Variants in TAF5L observed in about 807,000 individuals in gnomAD.
TAF5L encodes the protein TAF5-like RNA polymerase II p300/CBP-associated factor-associated factor 65 kDa subunit 5L.
Under a neutral mutation model 51.3 loss-of-function variants are expected in TAF5L, and 7 were observed. The observed-to-expected ratio is 0.14, with a 90% CI of 0.08 to 0.26. The LOEUF (loss-of-function observed/expected upper bound fraction) is 0.26. Among genes scored for constraint, TAF5L ranks in the 10% least tolerant of loss-of-function variants. The pLI is 1.00. For synonymous variants in TAF5L, 291 were observed against 308.1 expected, an observed-to-expected ratio of 0.94 and a Z score of 0.58; for missense variants, 575 against 758.9, an observed-to-expected ratio of 0.76 and a Z score of 2.85.
At chr1:229,613,424 A>C (rs908740696) in intron 2 of TAF5L, among the ~76,000 whole-genome samples, 1 of 152,122 alleles carries the variant, frequency 6.6e-6, no homozygotes, top group African/African-American at 2.4e-5. Context: ...ATAGCTAACA[A>C]TTACAGTCGG....
chr1:229,598,595 C>A (rs1315004927), intron 4 of TAF5L, among the ~76,000 whole-genome samples: 3 of 151,802 alleles, frequency 2.0e-5, no homozygotes, highest in African/African-American at 7.3e-5. Context: ...GAAAGAAGAG[C>A]AAATCCTTGG....
At chr1:229,596,383 C>G (rs190612702) in intron 4 of TAF5L, among the ~76,000 whole-genome samples, 1 of 152,140 alleles carries the variant, frequency 6.6e-6, no homozygotes, top group Admixed American at 6.5e-5. Flanking sequence ...TAGAAAGGTA[C>G]AGTTACTAGT....
chr1:229,626,078 G>A (rs1265233365), upstream of TAF5L: 1 of 151,430 alleles, frequency 6.6e-6, no homozygotes, highest in South Asian at 1.9e-4. Flanking sequence ...AGCGGGCCGC[G>A]GGCTGGGCCG....
chr1:229,595,175 GA>G (rs1036184027), intron 4 of TAF5L, 81 bp from the exon 5 acceptor site: 41 of 1,429,256 alleles, frequency 2.9e-5, no homozygotes, highest in South Asian at 5.5e-5. Flanking sequence ...AAGTCCAGGA[GA>G]AAAAAAAGTA....
At chr1:229,618,155 T>C (rs1665074809) in intron 1 of TAF5L, among the ~76,000 whole-genome samples, 1 of 152,186 alleles carries the variant, frequency 6.6e-6, no homozygotes, top group Non-Finnish European at 1.5e-5. Flanking sequence ...CTCCTTAAAC[T>C]AGACCTAAGT....
At chr1:229,616,291 G>C (rs1280681116) in intron 1 of TAF5L, among the ~76,000 whole-genome samples, 1 of 152,102 alleles carries the variant, frequency 6.6e-6, no homozygotes, top group Admixed American at 6.5e-5. Context: ...TGGGATTACA[G>C]GTGCGAACCA....
At chr1:229,612,138 A>C (rs1419302219) in intron 2 of TAF5L, among the ~76,000 whole-genome samples, 2 of 152,218 alleles carry the variant, frequency 1.3e-5, no homozygotes, top group Non-Finnish European at 2.9e-5. Context: ...ATGTTCACTA[A>C]ATGTCTGCTG....
chr1:229,618,889 C>T (rs1305874608), intron 1 of TAF5L, among the ~76,000 whole-genome samples: 1 of 152,182 alleles, frequency 6.6e-6, no homozygotes, highest in Non-Finnish European at 1.5e-5. Flanking sequence ...TCCCCCATCC[C>T]TCCCCCTGCC....
chr1:229,621,945 T>A (rs1208035620), intron 1 of TAF5L, among the ~76,000 whole-genome samples: 1 of 152,120 alleles, frequency 6.6e-6, no homozygotes, highest in African/African-American at 2.4e-5. Flanking sequence ...TAAATCCATA[T>A]ACTCCTGCTG....
In TAF5L at chr1:229,608,321, G is replaced by A. The variant is rs140136694; in HGVS notation, c.247+1785C>T. On this transcript the variant is annotated intron_variant, in intron 3 of 4. Transcript: ENST00000258281. Reference sequence around the variant, plus strand: ...GGTTGTTGGGTGACAGAATTCATAAGTAGAGAATAGTCTGTTTAATAGTTA... The same window carrying A: ...GGTTGTTGGGTGACAGAATTCATAAATAGAGAATAGTCTGTTTAATAGTTA... 2.9e-3 allele frequency among the ~76,000 whole-genome samples: 442 copies of A among 152,250 alleles called. 6 individuals are homozygous for A. Among genetic ancestry groups the A allele is most frequent in the African/African-American group, 0.01 (433 of 41,542 alleles).
At chr1:229,600,836 T>C in intron 4 of TAF5L, 28 of 985,024 alleles carry the variant, frequency 2.8e-5, no homozygotes, top group Non-Finnish European at 3.3e-5. Context: ...GTCATAATGC[T>C]ATCTTCTTTA....
At chr1:229,600,752 G>A (rs891860763) in intron 4 of TAF5L, 1 of 985,226 alleles carries the variant, frequency 1.0e-6, no homozygotes, top group African/African-American at 1.7e-5. Flanking sequence ...ATAAACATAG[G>A]ACAAGCCACA....
At chr1:229,614,213 C>T (rs1297147427) in intron 2 of TAF5L, 128 bp downstream of exon 2, 2 of 1,481,534 alleles carry the variant, frequency 1.3e-6, no homozygotes, top group South Asian at 1.2e-5. Context: ...TAACGTAGCT[C>T]ACTGAGGTTT....
chr1:229,622,023 AT>A (rs1176275955), intron 1 of TAF5L, among the ~76,000 whole-genome samples: 1 of 1,994 alleles, frequency 5.0e-4, no homozygotes, highest in Non-Finnish European at 1.2e-3. Flanking sequence ...ATCATCATCT[AT>A]CTATCTATCT....
At chr1:229,614,819 C>T (rs1303820619) in intron 1 of TAF5L, among the ~76,000 whole-genome samples, 1 of 152,164 alleles carries the variant, frequency 6.6e-6, no homozygotes, top group African/African-American at 2.4e-5. Flanking sequence ...TAACAAAGAG[C>T]AAACAGGGCC....
intron 1 of TAF5L, among the ~76,000 whole-genome samples, chr1:229,616,591 CAAACA>C (rs1446591794): frequency 3.3e-5 from 5 of 152,140 alleles, no homozygotes; most frequent in African/African-American, 9.6e-5. Context: ...GGTGAATAAC[CAAACA>C]AATGTTTTGC....
intron 4 of TAF5L, among the ~76,000 whole-genome samples, chr1:229,597,845 G>A (rs1451293163): frequency 2.6e-5 from 4 of 152,106 alleles, no homozygotes; most frequent in Non-Finnish European, 5.9e-5. Context: ...CCCTGCTCTG[G>A]ACTATGGAGT....
At chr1:229,599,214 T>C (rs1664266712) in intron 4 of TAF5L, 4 of 914,874 alleles carry the variant, frequency 4.4e-6, no homozygotes, top group Non-Finnish European at 5.2e-6. Flanking sequence ...TCAGTTTTAT[T>C]TGGCATAATT....
intron 4 of TAF5L, chr1:229,601,846 G>A (rs1458973940): frequency 1.9e-6 from 2 of 1,049,186 alleles, no homozygotes; most frequent in Admixed American, 1.0e-4. Context: ...CCGATTATTT[G>A]TACCTGAGCA....
Sources: allele counts gnomAD v4.1 joint callset (sites outside exome capture counted in the v4.1 genomes callset), GRCh38; gene constraint gnomAD v4.1.1; transcripts MANE v1.5; gene names NCBI Gene and HGNC (gene_info 2026-07-23, HGNC 2026-07-21).